Variants in GAD2 observed in about 807,000 individuals in gnomAD.
GAD2 encodes the protein 65 kDa glutamic acid decarboxylase.
GAD2 carries 22 observed loss-of-function variants against 80.1 expected under a neutral mutation model. The ratio of observed to expected loss-of-function variants is 0.27; its 90% CI spans 0.20 to 0.39. The LOEUF is 0.39. Ranked by LOEUF, GAD2 falls within the 10% of genes least tolerant of loss-of-function variation. The pLI is 1.00. For synonymous variants in GAD2, 274 were observed against 256.9 expected (o/e 1.07, Z -0.64); for missense variants, 624 against 738.4 (o/e 0.85, Z 1.80).
intron 4 of GAD2, among the ~76,000 whole-genome samples, chr10:26,220,767 T>C (rs1217906885): frequency 6.6e-6 from 1 of 152,224 alleles, no homozygotes. Flanking sequence ...CCTATGGAAA[T>C]GTTTTGTGTC....
In GAD2 at chr10:26,285,842, G is replaced by T. The variant is rs8190767; in HGVS notation, c.1237-503G>T. Among the ~76,000 whole-genome samples the T allele has an allele frequency of 7.9e-5, 12 of 151,848 alleles. No homozygotes were observed. The East Asian group carries it at 1.9e-3, about 24-fold the overall frequency. ...GCCTTAAAAGCTATGATTTCCAAAG[G>T]GAGCTCAAACTCCCTAACAGCTAAA... On this transcript the variant is annotated intron_variant, in intron 12 of 15. Transcript: ENST00000376261.
At chr10:26,284,564 CTTTTTTTTTTTT>C (rs35046451) in intron 12 of GAD2, among the ~76,000 whole-genome samples, 4 of 93,156 alleles carry the variant, frequency 4.3e-5, no homozygotes, top group Admixed American at 1.4e-4. Context: ...GGCTGTTCAG[CTTTTTTTTTTTT>C]TTTTTTTTTT....
chr10:26,262,931 T>C (rs1001137837), intron 8 of GAD2, among the ~76,000 whole-genome samples: 9 of 152,010 alleles, frequency 5.9e-5, no homozygotes, highest in African/African-American at 2.2e-4. Flanking sequence ...TGTGAGGTGG[T>C]CAGCACACCT....
intron 8 of GAD2, among the ~76,000 whole-genome samples, chr10:26,250,435 G>A (rs1844864727): frequency 6.6e-6 from 1 of 152,196 alleles, no homozygotes; most frequent in South Asian, 2.1e-4. Flanking sequence ...GAGACAGAGG[G>A]AAATGGGCCA....
chr10:26,248,704 C>T (rs1844840653), intron 8 of GAD2, among the ~76,000 whole-genome samples: 1 of 152,168 alleles, frequency 6.6e-6, no homozygotes, highest in South Asian at 2.1e-4. Flanking sequence ...CTGCCCCACT[C>T]AGCTCTGGGT....
chr10:26,233,408 G>A (rs1844630773), intron 7 of GAD2, among the ~76,000 whole-genome samples: 1 of 152,128 alleles, frequency 6.6e-6, no homozygotes, highest in African/African-American at 2.4e-5. Flanking sequence ...ATCTCGTAGG[G>A]TTGGGCTGGA....
At chr10:26,269,196 A>G in intron 9 of GAD2, 23 bp downstream of exon 9, 1 of 1,578,798 alleles carries the variant, frequency 6.3e-7, no homozygotes, top group Non-Finnish European at 8.6e-7. Flanking sequence ...CGGGAGCTTT[A>G]TCCAGCCCAT....
intron 8 of GAD2, among the ~76,000 whole-genome samples, chr10:26,252,143 G>T (rs576381189): frequency 6.6e-6 from 1 of 152,256 alleles, no homozygotes; most frequent in East Asian, 1.9e-4. Context: ...CCTGCCCTCT[G>T]TGGCTTTCAA....
At chr10:26,241,963 G>T (rs1422720679) in intron 7 of GAD2, among the ~76,000 whole-genome samples, 1 of 149,400 alleles carries the variant, frequency 6.7e-6, no homozygotes, top group African/African-American at 2.6e-5. Context: ...TTGAATCACT[G>T]GTTCCATTTG....
chr10:26,302,640 G>C lies in GAD2; in HGVS notation c.*1679G>C, dbSNP rs568704219. 6.6e-6 allele frequency: 1 copy of C among 152,142 alleles called. No homozygotes were observed. Among genetic ancestry groups the C allele is most frequent in the Admixed American group, 6.5e-5 (1 of 15,272 alleles). The allele number at this position is 152,142 out of a possible 1,614,324, so 9.4% of individuals were successfully genotyped here. A position where few individuals can be genotyped will look rare whatever the true frequency, so the allele number is the denominator to read the frequency against. The stretch of plus-strand genomic sequence containing the variant: ...AAGAGAGAAGGCCCTGCCCTTCAAC[G>C]GGTAGAAATGCCCTACAATATAACA... On this transcript the variant is annotated 3_prime_UTR_variant, in exon 16 of 16. Coordinates refer to ENST00000376261, the MANE Select transcript of GAD2 (RefSeq NM_001134366.2).
chr10:26,222,088 A>T (rs1484037160), intron 4 of GAD2, among the ~76,000 whole-genome samples: 2 of 152,198 alleles, frequency 1.3e-5, no homozygotes, highest in Non-Finnish European at 2.9e-5. Context: ...CATCATCATC[A>T]GGGAATGAAA....
intron 11 of GAD2, among the ~76,000 whole-genome samples, chr10:26,274,172 A>G (rs539196309): frequency 5.3e-5 from 8 of 152,374 alleles, no homozygotes; most frequent in African/African-American, 1.9e-4. Context: ...TTTGGGGTCT[A>G]AGATGGCCAG....
chr10:26,237,697 T>C (rs370864216), intron 7 of GAD2, among the ~76,000 whole-genome samples: 5 of 152,118 alleles, frequency 3.3e-5, no homozygotes, highest in East Asian at 1.9e-4. Flanking sequence ...CCTACATACA[T>C]ATATTTATTT....
intron 12 of GAD2, among the ~76,000 whole-genome samples, chr10:26,285,767 G>T (rs1314330735): frequency 8.1e-6 from 1 of 122,890 alleles, no homozygotes; most frequent in Non-Finnish European, 1.6e-5. Context: ...GCAATATGTG[G>T]GTTTTTTTTT....
Position 26,302,464 on chromosome 10 carries a change from A to T in GAD2, c.*1503A>T, listed in dbSNP as rs1834337734. On this transcript the variant is annotated 3_prime_UTR_variant, in exon 16 of 16. Transcript: ENST00000376261. ...AAAACATGAGCTAACAAAAGCTTCC[A>T]TAGATATTTATGGGGTCACACATCG... is the stretch of plus-strand genomic sequence containing the variant. 6.6e-6 allele frequency: 1 copy of T among 152,226 alleles called. No individual in the cohort carries two copies. Among genetic ancestry groups the T allele is most frequent in the African/African-American group, 2.4e-5 (1 of 41,472 alleles). The allele number at this position is 152,226 out of a possible 1,614,324, so 9.4% of individuals were successfully genotyped here.
In GAD2 at chr10:26,297,281, C is replaced by A. The variant is rs1446267295; in HGVS notation, c.1585-3507C>A. Among the ~76,000 whole-genome samples the A allele has an allele frequency of 3.9e-5, 6 of 152,310 alleles. No individual in the cohort carries two copies. In the East Asian group the frequency reaches 1.2e-3, roughly 29 times the overall value. On this transcript the variant is annotated intron_variant, in intron 15 of 15. Transcript: ENST00000376261. ...CTGCTTTTACATTTTTCAGAAATTT[C>A]TCGCAGTCTTCCAAAATGTAAAAAC...
intron 8 of GAD2, among the ~76,000 whole-genome samples, chr10:26,258,127 A>G (rs1844966951): frequency 6.6e-6 from 1 of 152,246 alleles, no homozygotes; most frequent in African/African-American, 2.4e-5. Context: ...AGCTCTAGCC[A>G]CTTTACAAAA....
rs1226279883 is a variant in GAD2 at position 26,292,450 on chromosome 10, C to T, written c.1387-15C>T. The T allele has an allele frequency of 1.3e-6, 2 of 1,598,474 alleles. No individual in the cohort carries two copies. The highest frequency in any genetic ancestry group is 8.6e-7 in the Non-Finnish European group (1 of 1,165,966). On this transcript the variant is annotated splice_polypyrimidine_tract_variant and intron_variant, in intron 13 of 15. Transcript: ENST00000376261. ...TCTTAGCCTGCTTAATGAGCTGTGTCCTTCTCTTACCTAGGGGACTACCGG... is the reference window on the plus strand; with the variant it reads ...TCTTAGCCTGCTTAATGAGCTGTGTTCTTCTCTTACCTAGGGGACTACCGG...
chr10:26,294,020 TG>T (rs1305503563), intron 15 of GAD2, among the ~76,000 whole-genome samples: 1 of 152,240 alleles, frequency 6.6e-6, no homozygotes, highest in African/African-American at 2.4e-5. Context: ...CATCCTCTCC[TG>T]CTCCCAGCAC....
Sources: gnomAD v4.1 joint callset for allele counts (sites outside exome capture counted in the v4.1 genomes callset) on GRCh38, gnomAD v4.1.1 for gene constraint, MANE v1.5 for transcripts, NCBI Gene and HGNC (gene_info 2026-07-23, HGNC 2026-07-21) for gene names.